DNASE2: variants seen among roughly 807,000 people sequenced by gnomAD.
The protein encoded by DNASE2 is deoxyribonuclease-2-alpha.
In DNASE2, 26 loss-of-function variants were observed where a neutral mutation model predicts 29.8. The ratio of observed to expected loss-of-function variants is 0.87; its 90% CI spans 0.64 to 1.21. The LOEUF is 1.21. Ranked by LOEUF, DNASE2 falls within the 50% of genes most tolerant of loss-of-function variation. The pLI, the probability that DNASE2 is intolerant of heterozygous loss-of-function variation, is 0.00. For missense variants in DNASE2, 415 were observed against 455.6 expected, an observed-to-expected ratio of 0.91 and a Z score of 0.81; for synonymous variants, 186 against 193.5, an observed-to-expected ratio of 0.96 and a Z score of 0.32.
chr19:12,875,287 T>C lies in DNASE2; in HGVS notation c.*703A>G. 4.3e-6 allele frequency: 1 copy of C among 232,538 alleles called. No individual in the cohort carries two copies. Among genetic ancestry groups the C allele is most frequent in the Non-Finnish European group, 8.7e-6 (1 of 115,226 alleles). 14.4% of individuals were successfully genotyped at this position (232,538 alleles called of 1,614,324 possible). On this transcript the variant is annotated 3_prime_UTR_variant, in exon 6 of 6. Coordinates refer to ENST00000222219, the MANE Select transcript of DNASE2 (RefSeq NM_001375.3). ...TTTCCCATTTTGCAGACAGGTAGAC[T>C]GTGTCACAGAGCGGTTAAGGCACAC...
intron 1 of DNASE2, 39 bp downstream of exon 1, chr19:12,881,251 G>A (rs760317048): frequency 6.3e-7 from 1 of 1,596,452 alleles, no homozygotes; most frequent in Admixed American, 1.8e-5. Flanking sequence ...ACCGCAGCCG[G>A]ACCCCGGGGC....
In DNASE2 at chr19:12,875,706, C is replaced by T; in HGVS notation, c.*284G>A. On this transcript the variant is annotated 3_prime_UTR_variant, in exon 6 of 6. Coordinates refer to ENST00000222219, the MANE Select transcript of DNASE2 (RefSeq NM_001375.3). ...ACTGCACCCACCCGTCCCCCGCCCC[C>T]CCTTTTTTTTTGAAACAGAGTCTTG... 1 of 321,968 alleles carries T rather than the reference C, an allele frequency of 3.1e-6. No homozygotes were observed. The highest frequency in any genetic ancestry group is 5.8e-6 in the Non-Finnish European group (1 of 171,582). 19.9% of individuals were successfully genotyped at this position (321,968 alleles called of 1,614,324 possible). A position where few individuals can be genotyped will look rare whatever the true frequency, so the allele number is the denominator to read the frequency against.
chr19:12,880,405 A>C (rs1039212121), intron 3 of DNASE2, among the ~76,000 whole-genome samples: 6 of 152,054 alleles, frequency 3.9e-5, no homozygotes, highest in Non-Finnish European at 7.4e-5. Flanking sequence ...TAATCCCAGC[A>C]CTTTGGGAGG....
chr19:12,878,160 G>A, intron 5 of DNASE2: 1 of 593,684 alleles, frequency 1.7e-6, no homozygotes, highest in Non-Finnish European at 3.0e-6. Context: ...TTTTTAAGTA[G>A]ATGTCAGTAT....
At chr19:12,880,370 G>T (rs914265694) in intron 3 of DNASE2, among the ~76,000 whole-genome samples, 1 of 150,860 alleles carries the variant, frequency 6.6e-6, no homozygotes, top group African/African-American at 2.4e-5. Context: ...ATAGGAACTC[G>T]GCTGGGCAGG....
chr19:12,877,414 T>A (rs1970333933), intron 5 of DNASE2, among the ~76,000 whole-genome samples: 1 of 150,416 alleles, frequency 6.6e-6, no homozygotes, highest in Non-Finnish European at 1.5e-5. Flanking sequence ...TAATTAAAAT[T>A]TTTTTTGTAG....
rs1273526301 is a variant in DNASE2 at position 12,881,380 on chromosome 19, G to C, written c.-5C>G. The stretch of plus-strand genomic sequence containing the variant: ...TGCCAGCAGCAGCGGGATCATAGCT[G>C]CTATGGGGCTGAGATCCAGGAATCT... On this transcript the variant is annotated 5_prime_UTR_variant, in exon 1 of 6. Coordinates refer to ENST00000222219, the MANE Select transcript of DNASE2 (RefSeq NM_001375.3). 1.3e-6 allele frequency: 2 copies of C among 1,555,426 alleles called. No homozygotes were observed. The highest frequency in any genetic ancestry group is 2.7e-5 in the African/African-American group (2 of 73,302).
chr19:12,879,447 G>A (rs1385153054), intron 3 of DNASE2, among the ~76,000 whole-genome samples: 2 of 141,046 alleles, frequency 1.4e-5, no homozygotes, highest in Non-Finnish European at 3.0e-5. Flanking sequence ...TTGCACCATT[G>A]CACTCCAGCC....
chr19:12,875,979 G>T lies in DNASE2; in HGVS notation c.*11C>A. 1 of 1,612,286 alleles carries T rather than the reference G, an allele frequency of 6.2e-7. No individual in the cohort carries two copies. On this transcript the variant is annotated 3_prime_UTR_variant, in exon 6 of 6. Transcript: ENST00000222219. ...ATTACATACGTGAGCCACTGCACCT[G>T]GCCATAAGGGTTAGATCTTATAAGC... is the stretch of plus-strand genomic sequence containing the variant.
intron 5 of DNASE2, among the ~76,000 whole-genome samples, chr19:12,877,746 G>A (rs1413461661): frequency 7.3e-5 from 11 of 151,604 alleles, no homozygotes; most frequent in Admixed American, 2.0e-4. Context: ...GGGTTTCACC[G>A]TGTTAGCCAG....
chr19:12,880,898 G>A lies in DNASE2; in HGVS notation c.268-18C>T. 6.2e-7 allele frequency: 1 copy of A among 1,614,222 alleles called. No individual in the cohort carries two copies. The highest frequency in any genetic ancestry group is 8.5e-7 in the Non-Finnish European group (1 of 1,180,036). On this transcript the variant is annotated intron_variant, in intron 2 of 5. Transcript: ENST00000222219. ...AAGGCGAGCTGCGGGCGGATAAACG[G>A]AGGCAACGTGAAATTCCTCCCAGGC...
At chr19:12,877,512 G>A (rs1970334922) in intron 5 of DNASE2, among the ~76,000 whole-genome samples, 2 of 152,020 alleles carry the variant, frequency 1.3e-5, no homozygotes, top group Non-Finnish European at 2.9e-5. Context: ...ACAGGTGTGA[G>A]CCACTGTGCC....
At chr19:12,878,243 C>A in intron 5 of DNASE2, 139 bp downstream of exon 5, 1 of 1,122,088 alleles carries the variant, frequency 8.9e-7, no homozygotes, top group Non-Finnish European at 1.3e-6. Context: ...AGGGTTTGAA[C>A]CCAGGTCTGT....
Position 12,875,696 on chromosome 19 carries a change from C to T in DNASE2, c.*294G>A. On this transcript the variant is annotated 3_prime_UTR_variant, in exon 6 of 6. Transcript: ENST00000222219. ...GATGTGAGCCACTGCACCCACCCGT[C>T]CCCCGCCCCCCCTTTTTTTTTGAAA... 7.4e-6 allele frequency: 2 copies of T among 269,946 alleles called. No individual in the cohort carries two copies. Among genetic ancestry groups the T allele is most frequent in the Non-Finnish European group, 1.4e-5 (2 of 140,212 alleles). The allele number at this position is 269,946 out of a possible 1,614,324, so 16.7% of individuals were successfully genotyped here. A position where few individuals can be genotyped will look rare whatever the true frequency, so the allele number is the denominator to read the frequency against.
chr19:12,880,887 G>A lies in DNASE2; in HGVS notation c.268-7C>T. ...TGTAGAGCAGGAAGGCGAGCTGCGG[G>A]CGGATAAACGGAGGCAACGTGAAAT... On this transcript the variant is annotated splice_region_variant and splice_polypyrimidine_tract_variant and intron_variant, in intron 2 of 5. Transcript: ENST00000222219. 1.2e-6 allele frequency: 2 copies of A among 1,614,188 alleles called. No individual in the cohort carries two copies. Among genetic ancestry groups the A allele is most frequent in the Non-Finnish European group, 1.7e-6 (2 of 1,180,046 alleles).
rs1185261741 is a variant in DNASE2 at position 12,878,538 on chromosome 19, G to T, written c.553C>A (p.Gln185Lys). 6.2e-7 allele frequency: 1 copy of T among 1,614,038 alleles called. No homozygotes were observed. Among genetic ancestry groups the T allele is most frequent in the African/African-American group, 1.3e-5 (1 of 74,900 alleles). ...TYTYPWVYNYQLEGIFAQEFP... is the reference protein window; with the variant it reads ...TYTYPWVYNYKLEGIFAQEFP... ...TCCTGGGCAAAGATCCCTTCCAGCT[G>T]GTAGTTATAGACCCAGGGGTAGGTG... The change falls in exon 5 of 6, where the codon CAG becomes AAG. Residue 185 changes from glutamine to lysine, a missense_variant. Coordinates refer to ENST00000222219, the MANE Select transcript of DNASE2 (RefSeq NM_001375.3).
intron 3 of DNASE2, 79 bp downstream of exon 3, chr19:12,880,723 C>A: frequency 6.4e-7 from 1 of 1,574,250 alleles, no homozygotes; most frequent in Non-Finnish European, 8.7e-7. Context: ...CAGATCTCCC[C>A]GACCACCCCA....
rs1225371718 is a variant in DNASE2 at position 12,880,961 on chromosome 19, G to C, written c.267+11C>G. ...GAGTTTCGCCCCTAGTTGGCCCGGG[G>C]CCCCCTTCACCTGGCTGGTGTTGCT... On this transcript the variant is annotated intron_variant, in intron 2 of 5. Transcript: ENST00000222219. 6.2e-7 allele frequency: 1 copy of C among 1,614,188 alleles called. No homozygotes were observed. Among genetic ancestry groups the C allele is most frequent in the South Asian group, 1.1e-5 (1 of 91,086 alleles).
Position 12,878,828 on chromosome 19 carries a change from A to G in DNASE2, c.353T>C (p.Leu118Pro). Reference sequence around the variant, plus strand: ...GAAGCCCCCATCGTGGTCAAGGAGCAGGACACCTGGACCAAAAGAAGGCAT... The same window carrying G: ...GAAGCCCCCATCGTGGTCAAGGAGCGGGACACCTGGACCAAAAGAAGGCAT... ...SSMRGHTKGV[L>P]LLDHDGGFWL... is the part of the protein sequence containing the mutation. The change falls in exon 4 of 6, where the codon CTG becomes CCG. Residue 118 changes from leucine (L) to proline (P), a missense_variant. Leu to Pro is a moderately conservative substitution (Grantham distance 98, BLOSUM62 -3). Coordinates refer to ENST00000222219, the MANE Select transcript of DNASE2 (RefSeq NM_001375.3). 6.2e-7 allele frequency: 1 copy of G among 1,612,694 alleles called. No homozygotes were observed. The highest frequency in any genetic ancestry group is 2.2e-5 in the East Asian group (1 of 44,838).
Sources: gnomAD v4.1 joint callset for allele counts (sites outside exome capture counted in the v4.1 genomes callset) on GRCh38, gnomAD v4.1.1 for gene constraint, MANE v1.5 for transcripts, NCBI Gene and HGNC (gene_info 2026-07-23, HGNC 2026-07-21) for gene names.